Variants in HNRNPUL2 observed in about 807,000 individuals in gnomAD.
HNRNPUL2 encodes heterogeneous nuclear ribonucleoprotein U like 2, also known as heterogeneous nuclear ribonucleoprotein U-like protein 2.
In HNRNPUL2, 27 loss-of-function variants were observed where a neutral mutation model predicts 102.2. The observed-to-expected ratio is 0.26, with a 90% CI of 0.19 to 0.36. The LOEUF is 0.36. Ranked by LOEUF, HNRNPUL2 falls within the 10% of genes least tolerant of loss-of-function variation. The pLI is 1.00. For synonymous variants in HNRNPUL2, 458 were observed against 387.2 expected (o/e 1.18, Z -2.15); for missense variants, 936 against 981.1 (o/e 0.95, Z 0.61).
In HNRNPUL2 at chr11:62,715,618, A is replaced by T; in HGVS notation, c.2056-11T>A. Reference sequence around the variant, plus strand: ...GAAATTACGGTAACCCTGAGAAAGGAAAAGAAAAAGGAGTGAAGGTTTATG... The same window carrying T: ...GAAATTACGGTAACCCTGAGAAAGGTAAAGAAAAAGGAGTGAAGGTTTATG... On this transcript the variant is annotated splice_polypyrimidine_tract_variant and intron_variant, in intron 12 of 13. Coordinates refer to ENST00000301785, the MANE Select transcript of HNRNPUL2 (RefSeq NM_001079559.3). 5 of 1,597,462 alleles carry T rather than the reference A, an allele frequency of 3.1e-6. No individual in the cohort carries two copies. The highest frequency in any genetic ancestry group is 4.3e-6 in the Non-Finnish European group (5 of 1,165,014).
In HNRNPUL2 at chr11:62,712,723, A is replaced by G. The variant is rs951316228; in HGVS notation, c.*2576T>C. On this transcript the variant is annotated 3_prime_UTR_variant, in exon 14 of 14. Transcript: ENST00000301785. ...GTGTAATGAGAACAGGGGAGGAAAA[A>G]GTTACAGATGTAAACAATGACACAG... 4 of 152,188 alleles carry G rather than the reference A, an allele frequency of 2.6e-5. No individual in the cohort carries two copies. Among genetic ancestry groups the G allele is most frequent in the Non-Finnish European group, 5.9e-5 (4 of 68,018 alleles). 9.4% of individuals were successfully genotyped at this position (152,188 alleles called of 1,614,324 possible).
chr11:62,722,488 C>T (rs879123235), intron 6 of HNRNPUL2, 108 bp from the exon 7 acceptor site: 11 of 1,449,742 alleles, frequency 7.6e-6, no homozygotes, highest in African/African-American at 2.8e-5. Flanking sequence ...AGTAACTAAG[C>T]GAGCCACACA....
rs758578226 is a variant in HNRNPUL2, at chr11:62,727,452, G to A, written c.-296C>T. The A allele has an allele frequency of 8.6e-5, 24 of 278,816 alleles. No individual in the cohort carries two copies. The highest frequency in any genetic ancestry group is 4.3e-4 in the Admixed American group (8 of 18,546). The allele number at this position is 278,816 out of a possible 1,614,324, so 17.3% of individuals were successfully genotyped here. A position where few individuals can be genotyped will look rare whatever the true frequency, so the allele number is the denominator to read the frequency against. On this transcript the variant is annotated 5_prime_UTR_variant, in exon 1 of 14. Transcript: ENST00000301785. Reference sequence around the variant, plus strand: ...CAGCCGCGGGCAGGCGCGCGCGGAGGACGACGGAGTTCCTCCCGCTTCCTC... The same window carrying A: ...CAGCCGCGGGCAGGCGCGCGCGGAGAACGACGGAGTTCCTCCCGCTTCCTC...
Position 62,727,038 on chromosome 11 carries a change from T to G in HNRNPUL2, c.119A>C (p.Glu40Ala). 5.7e-6 allele frequency: 8 copies of G among 1,399,506 alleles called. No individual in the cohort carries two copies. Among genetic ancestry groups the G allele is most frequent in the Non-Finnish European group, 7.5e-6 (8 of 1,072,028 alleles). 86.7% of individuals were successfully genotyped at this position (1,399,506 alleles called of 1,614,324 possible). A position where few individuals can be genotyped will look rare whatever the true frequency, so the allele number is the denominator to read the frequency against. The change falls in exon 1 of 14, where the codon GAG becomes GCG. Residue 40 changes from glutamate (E) to alanine (A), a missense_variant. By Grantham distance (107) the Glu-to-Ala change is moderately radical (BLOSUM62 -1). Coordinates refer to ENST00000301785, the MANE Select transcript of HNRNPUL2 (RefSeq NM_001079559.3). ...GCCGCCGGCCTCGTCCTCGAGCATCTCGGCGTCCAGCGCCTCCTGCAGCCG... is the reference window on the plus strand; with the variant it reads ...GCCGCCGGCCTCGTCCTCGAGCATCGCGGCGTCCAGCGCCTCCTGCAGCCG... ...AQRLQEALDA[E>A]MLEDEAGGGG... is the part of the protein sequence containing the mutation.
At chr11:62,718,522 G>A (rs972746611) in intron 10 of HNRNPUL2, among the ~76,000 whole-genome samples, 29 of 151,866 alleles carry the variant, frequency 1.9e-4, no homozygotes, top group African/African-American at 6.8e-4. Context: ...CCAACATGGC[G>A]AAACCCTGTC....
Position 62,715,512 on chromosome 11 carries a change from T to C in HNRNPUL2, c.2151A>G (p.Gln717=), listed in dbSNP as rs1240810890. The change falls in exon 13 of 14, where the codon CAA becomes CAG. Residue 717 remains glutamine (Q), a synonymous_variant. Transcript: ENST00000301785. ...EYNRYRDYYR[Q]YNRDWQSYYY... is the part of the protein sequence containing the mutation. The stretch of plus-strand genomic sequence containing the variant: ...AGAAGATACTCACATCCCGATTGTA[T>C]TGTCTGTAATAGTCTCTGTATCTGT... 2 of 1,610,564 alleles carry C rather than the reference T, an allele frequency of 1.2e-6. No individual in the cohort carries two copies. The highest frequency in any genetic ancestry group is 1.7e-6 in the Non-Finnish European group (2 of 1,176,942).
chr11:62,723,627 G>C lies in HNRNPUL2; in HGVS notation c.851C>G (p.Thr284Ser). The C allele has an allele frequency of 6.2e-7, 1 of 1,613,886 alleles. No individual in the cohort carries two copies. Among genetic ancestry groups the C allele is most frequent in the Non-Finnish European group, 8.5e-7 (1 of 1,179,862 alleles). Residue 284 changes from threonine to serine, a missense_variant, in exon 4 of 14, where the codon ACT (threonine) becomes AGT (serine). Transcript: ENST00000301785. ...FPTLWSGARS[T>S]YGVTKGKVCF... Reference sequence around the variant, plus strand: ...GACTTTTCCCTTTGTCACTCCGTAAGTACTCCTTGCCCCAGACCAAAGGGT... The same window carrying C: ...GACTTTTCCCTTTGTCACTCCGTAACTACTCCTTGCCCCAGACCAAAGGGT...
rs1434033416 is a variant in HNRNPUL2 at position 62,720,237 on chromosome 11, TCA to T, written c.1612-48_1612-47del. ...TGATGTTTAGGAAGAAAATTATCAC[TCA>T]GATTTAACCAAAAGAATCAGTATCA... On this transcript the variant is annotated intron_variant, in intron 9 of 13. Transcript: ENST00000301785. 1.9e-6 allele frequency: 3 copies of T among 1,582,764 alleles called. No homozygotes were observed. In the African/African-American group the frequency reaches 4.0e-5, roughly 21 times the overall value.
At chr11:62,717,263 C>T in intron 10 of HNRNPUL2, 74 bp from the exon 11 acceptor site, 6 of 1,155,564 alleles carry the variant, frequency 5.2e-6, no homozygotes, top group Non-Finnish European at 1.2e-6. Context: ...GAAAACTCTA[C>T]AAGAAGCATA....
chr11:62,713,007 G>A lies in HNRNPUL2; in HGVS notation c.*2292C>T, dbSNP rs2083631256. 1 of 152,096 alleles carries A rather than the reference G, an allele frequency of 6.6e-6. No individual in the cohort carries two copies. Among genetic ancestry groups the A allele is most frequent in the Non-Finnish European group, 1.5e-5 (1 of 68,024 alleles). 9.4% of individuals were successfully genotyped at this position (152,096 alleles called of 1,614,324 possible). ...TAATAAAAAGACAGAAACAAAACCCGGACATCTACTGTTGTTGCAAATGAT... is the reference window on the plus strand; with the variant it reads ...TAATAAAAAGACAGAAACAAAACCCAGACATCTACTGTTGTTGCAAATGAT... On this transcript the variant is annotated 3_prime_UTR_variant, in exon 14 of 14. Transcript: ENST00000301785.
At chr11:62,726,348 T>C (rs1247667448) in intron 1 of HNRNPUL2, among the ~76,000 whole-genome samples, 1 of 152,186 alleles carries the variant, frequency 6.6e-6, no homozygotes, top group Non-Finnish European at 1.5e-5. Context: ...GTTCCACAGG[T>C]AGCTCACAAG....
chr11:62,727,176 G>A lies in HNRNPUL2; in HGVS notation c.-20C>T, dbSNP rs905453793. On this transcript the variant is annotated 5_prime_UTR_variant, in exon 1 of 14. Transcript: ENST00000301785. ...CTCCATCGCCGCCGCCGCCTCCTCCGCCTCCCGCCGCCTCCTCCCCTGCGA... is the reference window on the plus strand; with the variant it reads ...CTCCATCGCCGCCGCCGCCTCCTCCACCTCCCGCCGCCTCCTCCCCTGCGA... The A allele has an allele frequency of 1.1e-4, 161 of 1,404,140 alleles. No homozygotes were observed. The highest frequency in any genetic ancestry group is 6.0e-4 in the African/African-American group (40 of 66,134). The allele number at this position is 1,404,140 out of a possible 1,614,324, so 87.0% of individuals were successfully genotyped here.
At chr11:62,724,610 T>A (rs1030884671) in intron 1 of HNRNPUL2, among the ~76,000 whole-genome samples, 184 bp from the exon 2 acceptor site, 1 of 150,186 alleles carries the variant, frequency 6.7e-6, no homozygotes, top group East Asian at 1.9e-4. Flanking sequence ...TGTGATTTAA[T>A]TTTTTTAAAA....
Position 62,724,423 on chromosome 11 carries a change from TCTC to T in HNRNPUL2, c.539_541del (p.Gly180del). On this transcript the variant is annotated inframe_deletion and splice_region_variant, in exon 2 of 14. Transcript: ENST00000301785. The stretch of plus-strand genomic sequence containing the variant: ...TTTTGACTTTTCACTATCCTGGTCA[TCTC>T]CTACAAAAACGAGGGAAAGAAAATC... 1 of 1,614,136 alleles carries T rather than the reference TCTC, an allele frequency of 6.2e-7. No homozygotes were observed. Among genetic ancestry groups the T allele is most frequent in the Non-Finnish European group, 8.5e-7 (1 of 1,180,028 alleles).
chr11:62,715,720 A>C (rs2083655401), intron 12 of HNRNPUL2, 113 bp from the exon 13 acceptor site: 1 of 1,153,826 alleles, frequency 8.7e-7, no homozygotes, highest in African/African-American at 1.5e-5. Context: ...AATTGGTTTA[A>C]TTTTCCCATA....
rs2083763375 is a variant in HNRNPUL2 at position 62,727,233 on chromosome 11, GC to G, written c.-78del. The G allele has an allele frequency of 7.8e-6, 10 of 1,288,056 alleles. No individual in the cohort carries two copies. The highest frequency in any genetic ancestry group is 9.8e-6 in the Non-Finnish European group (10 of 1,019,964). The allele number at this position is 1,288,056 out of a possible 1,614,324, so 79.8% of individuals were successfully genotyped here. On this transcript the variant is annotated 5_prime_UTR_variant, in exon 1 of 14. Coordinates refer to ENST00000301785, the MANE Select transcript of HNRNPUL2 (RefSeq NM_001079559.3). ...GACCGAGTCCGACCGCGCAGGCGCCGCCGCCGCCGCCCGCCTCCGCCTCACG... is the reference window on the plus strand; with the variant it reads ...GACCGAGTCCGACCGCGCAGGCGCCGCGCCGCCGCCCGCCTCCGCCTCACG...
At position 62,721,373 on chromosome 11, in the gene HNRNPUL2, T is replaced by A; in HGVS notation, c.1533A>T (p.Leu511Phe). 1 of 1,610,398 alleles carries A rather than the reference T, an allele frequency of 6.2e-7. No homozygotes were observed. Among genetic ancestry groups the A allele is most frequent in the Non-Finnish European group, 8.5e-7 (1 of 1,178,840 alleles). Residue 511 changes from leucine to phenylalanine, a missense_variant, in exon 9 of 14, where the codon TTA (leucine) becomes TTT (phenylalanine). Physicochemically the swap from Leu to Phe is conservative, Grantham distance 22 (BLOSUM62 0). Coordinates refer to ENST00000301785, the MANE Select transcript of HNRNPUL2 (RefSeq NM_001079559.3). ...TAAGGCACTGGGAGGCTTGCTGAAC[T>A]AAAAGGTCTCGGCTTTTGGGGTCCA... is the stretch of plus-strand genomic sequence containing the variant. ...PEMDPKSRDLLVQQASQCLSK... is the reference protein window; with the variant it reads ...PEMDPKSRDLFVQQASQCLSK...
chr11:62,713,413 T>C lies in HNRNPUL2; in HGVS notation c.*1886A>G, dbSNP rs566262095. ...CTTTCTCAAACTCCCTTAATAATAA[T>C]ACAAAGTTAATGTGTTACAGAAAAA... On this transcript the variant is annotated 3_prime_UTR_variant, in exon 14 of 14. Coordinates refer to ENST00000301785, the MANE Select transcript of HNRNPUL2 (RefSeq NM_001079559.3). 5 of 152,324 alleles carry C rather than the reference T, an allele frequency of 3.3e-5. No individual in the cohort carries two copies. Among genetic ancestry groups the C allele is most frequent in the African/African-American group, 9.6e-5 (4 of 41,576 alleles). The allele number at this position is 152,324 out of a possible 1,614,324, so 9.4% of individuals were successfully genotyped here.
chr11:62,723,356 T>C (rs2083718693), intron 4 of HNRNPUL2, among the ~76,000 whole-genome samples: 1 of 152,078 alleles, frequency 6.6e-6, no homozygotes, highest in Non-Finnish European at 1.5e-5. Context: ...CCAGGTGTGG[T>C]GGCGCATGCC....
Sources: gnomAD v4.1 joint callset for allele counts (sites outside exome capture counted in the v4.1 genomes callset) on GRCh38, gnomAD v4.1.1 for gene constraint, MANE v1.5 for transcripts, NCBI Gene and HGNC (gene_info 2026-07-23, HGNC 2026-07-21) for gene names.